INF2: variants seen among roughly 807,000 people sequenced by gnomAD.
INF2 encodes inverted formin 2, also known as inverted formin-2.
Under a neutral mutation model 123.5 loss-of-function variants are expected in INF2, and 43 were observed. That is an observed-to-expected ratio of 0.35 (90% CI 0.27 to 0.45). The LOEUF is 0.45. Ranked by LOEUF, INF2 falls within the 20% of genes least tolerant of loss-of-function variation. The probability of loss-of-function intolerance (pLI) is 1.00; values close to 1 mark genes in which losing one functional copy is unlikely to be tolerated. For missense variants in INF2, 1,453 were observed against 1,682.7 expected (o/e 0.86, Z 2.39); for synonymous variants, 851 against 745.0 (o/e 1.14, Z -2.32).
intron 5 of INF2, chr14:104,704,818 G>A (rs778080457): frequency 6.6e-6 from 1 of 152,216 alleles, no homozygotes; most frequent in African/African-American, 2.4e-5. Flanking sequence ...AACTAGGGTT[G>A]CCAGGTACTG....
At chr14:104,703,616 A>G (rs1267006846) in intron 4 of INF2, among the ~76,000 whole-genome samples, 162 bp downstream of exon 4, 1 of 152,128 alleles carries the variant, frequency 6.6e-6, no homozygotes, top group Non-Finnish European at 1.5e-5. Context: ...CTGCCCCTTC[A>G]ATGGACACAG....
rs369895163 is a variant in INF2 at position 104,707,831 on chromosome 14, C to T, written c.1564C>T (p.Leu522=). 11 of 1,585,216 alleles carry T rather than the reference C, an allele frequency of 6.9e-6. No homozygotes were observed. Among genetic ancestry groups the T allele is most frequent in the Non-Finnish European group, 8.6e-6 (10 of 1,165,762 alleles). ...WGPPPPPPPL[L]PCTCSPPVAG... is the part of the protein sequence containing the mutation. ...CCCTCCTCCACCCCCACCTCCACTA[C>T]TGCCCTGCACCTGCAGCCCCCCCGT... The change falls in exon 8 of 23, where the codon CTG becomes TTG. Residue 522 remains leucine (L), a synonymous_variant. Transcript: ENST00000392634.
At position 104,713,243 on chromosome 14, in the gene INF2, G is replaced by A. The variant is rs1595178511; in HGVS notation, c.2812G>A (p.Glu938Lys). 6.4e-7 allele frequency: 1 copy of A among 1,552,892 alleles called. No homozygotes were observed. Among genetic ancestry groups the A allele is most frequent in the Non-Finnish European group, 8.7e-7 (1 of 1,148,898 alleles). The change falls in exon 19 of 23, where the codon GAG (glutamate) becomes AAG (lysine). Residue 938 changes from glutamate to lysine, a missense_variant. Physicochemically the swap from Glu to Lys is moderately conservative, Grantham distance 56. Around this residue, in one of 8 missense-constraint regions of INF2, gnomAD observed 212 missense variants for 266.2 expected, o/e 0.80. Coordinates refer to ENST00000392634, the MANE Select transcript of INF2 (RefSeq NM_022489.4). ...KDRKEQAAKAERRKQQLAEEE... is the reference protein window; with the variant it reads ...KDRKEQAAKAKRRKQQLAEEE... ...CCGGAAGGAGCAGGCGGCGAAGGCA[G>A]AGAGGAGGAAGCAGCAGCTGGCGGA...
At position 104,714,530 on chromosome 14, in the gene INF2, C is replaced by T. The variant is rs1401317670; in HGVS notation, c.3368C>T (p.Ala1123Val). The change falls in exon 21 of 23, where the codon GCA becomes GTA. Residue 1123 changes from alanine (A) to valine (V), a missense_variant. Ala to Val is a moderately conservative substitution (Grantham distance 64, BLOSUM62 0). Coordinates refer to ENST00000392634, the MANE Select transcript of INF2 (RefSeq NM_022489.4). ...PLKFSSNQPP[A>V]AGSSRQDAKD... ...AAGTTCTCCAGCAACCAGCCCCCTG[C>T]AGCCGGAAGTTCAAGGCAAGATGCC... 1 of 1,612,684 alleles carries T rather than the reference C, an allele frequency of 6.2e-7. No individual in the cohort carries two copies. The highest frequency in any genetic ancestry group is 1.7e-5 in the Admixed American group (1 of 59,994).
upstream of INF2, among the ~76,000 whole-genome samples, chr14:104,688,236 A>C (rs986632086): frequency 6.6e-6 from 1 of 152,232 alleles, no homozygotes; most frequent in Admixed American, 6.5e-5. Flanking sequence ...TGTGGCCTGC[A>C]GCTGCTCCTG....
chr14:104,720,346 T>C lies in INF2; in HGVS notation c.*1553T>C. Reference sequence around the variant, plus strand: ...TGTGGACATTTGCGTAGTCCTCGTGTGGATGCTGCTGTGGACGTCTGCGTC... The same window carrying C: ...TGTGGACATTTGCGTAGTCCTCGTGCGGATGCTGCTGTGGACGTCTGCGTC... On this transcript the variant is annotated 3_prime_UTR_variant, in exon 23 of 23. Transcript: ENST00000392634. 1 of 172,580 alleles carries C rather than the reference T, an allele frequency of 5.8e-6. No homozygotes were observed. Among genetic ancestry groups the C allele is most frequent in the Non-Finnish European group, 1.2e-5 (1 of 81,022 alleles). 10.7% of individuals were successfully genotyped at this position (172,580 alleles called of 1,614,324 possible).
At chr14:104,695,614 C>CCTCCTCCCA (rs1172246477) in intron 1 of INF2, among the ~76,000 whole-genome samples, 2 of 152,108 alleles carry the variant, frequency 1.3e-5, no homozygotes, top group African/African-American at 4.8e-5. Flanking sequence ...CCCAGTGAGC[C>CCTCCTCCCA]GGGGCATTTC....
intron 1 of INF2, 29 bp downstream of exon 1, chr14:104,689,768 G>A (rs1888847011): frequency 1.0e-6 from 1 of 982,898 alleles, no homozygotes; most frequent in South Asian, 4.7e-5. Context: ...GGTCCGCTTG[G>A]AGCTTCAGGG....
At chr14:104,711,778 C>T (rs988021723) in intron 16 of INF2, 79 bp downstream of exon 16, 36 of 1,372,700 alleles carry the variant, frequency 2.6e-5, no homozygotes, top group African/African-American at 2.9e-5. Flanking sequence ...GGTGGCTGCC[C>T]GCCAGGGCTG....
chr14:104,681,711 C>T lies in INF2; in HGVS notation c.-104+129C>T, dbSNP rs781135290. ...GCCCCTGAGGTCCCGGAGGGCAGCA[C>T]GCTGGTGCAGAGCCGGGACAGCCTG... On this transcript the variant is annotated intron_variant, in intron 1 of 2. Coordinates refer to the INF2 transcript ENST00000674723. The T allele has an allele frequency of 4.4e-5, 32 of 727,052 alleles. No homozygotes were observed. The Admixed American group carries it at 4.7e-4, about 11-fold the overall frequency. 45.0% of individuals were successfully genotyped at this position (727,052 alleles called of 1,614,324 possible).
rs911291852 is a variant in INF2, at chr14:104,684,464, G to C, written c.-104+2882G>C. 5 of 198,390 alleles carry C rather than the reference G, an allele frequency of 2.5e-5. No homozygotes were observed. The highest frequency in any genetic ancestry group is 5.2e-5 in the Non-Finnish European group (5 of 96,428). 12.3% of individuals were successfully genotyped at this position (198,390 alleles called of 1,614,324 possible). On this transcript the variant is annotated intron_variant, in intron 1 of 2. Coordinates refer to the INF2 transcript ENST00000674723. The surrounding 1 kb of genome is among the most constrained non-coding windows in gnomAD (Gnocchi z 5.0). ...CACACCACCGCGTGGATGAGTCTCA[G>C]AGACTGTGGAGCGAAAGAAGCCAGA...
chr14:104,718,703 G>A (rs1267733814), intron 22 of INF2, 92 bp from the exon 23 acceptor site: 22 of 1,565,884 alleles, frequency 1.4e-5, no homozygotes, highest in Admixed American at 1.9e-5. Context: ...TGGCGATGAG[G>A]GGTTCAGGGA....
In INF2 at chr14:104,707,848, C is replaced by A. The variant is rs928182488; in HGVS notation, c.1581C>A (p.Ser527Arg). The A allele has an allele frequency of 6.2e-7, 1 of 1,602,450 alleles. No homozygotes were observed. Among genetic ancestry groups the A allele is most frequent in the Non-Finnish European group, 8.5e-7 (1 of 1,176,934 alleles). Residue 527 changes from serine to arginine, a missense_variant, in exon 8 of 23, where the codon AGC (serine) becomes AGA (arginine). Ser to Arg is a moderately radical substitution (Grantham distance 110). This residue lies in a region of INF2 where 374 missense variants were observed against 303.7 expected (regional missense o/e 1.23). Coordinates refer to ENST00000392634, the MANE Select transcript of INF2 (RefSeq NM_022489.4). ...PPPPLLPCTCSPPVAGGMEEV... is the reference protein window; with the variant it reads ...PPPPLLPCTCRPPVAGGMEEV... ...CTCCACTACTGCCCTGCACCTGCAG[C>A]CCCCCCGTGGCGGGAGGCATGGAGG...
At chr14:104,709,115 C>T (rs1453392449) in intron 10 of INF2, among the ~76,000 whole-genome samples, 166 bp from the exon 11 acceptor site, 1 of 152,124 alleles carries the variant, frequency 6.6e-6, no homozygotes, top group African/African-American at 2.4e-5. Context: ...CAGCCTGGGT[C>T]CCCTTCACCG....
intron 22 of INF2, chr14:104,715,971 C>G (rs1231173608): frequency 2.2e-6 from 1 of 455,978 alleles, no homozygotes; most frequent in African/African-American, 2.0e-5. Context: ...TTACCCCCCG[C>G]ACACCGAGTC....
chr14:104,708,280 G>T, intron 8 of INF2, 156 bp from the exon 9 acceptor site: 2 of 981,592 alleles, frequency 2.0e-6, no homozygotes, highest in Non-Finnish European at 3.0e-6. Context: ...AGGTGCTCAG[G>T]TAGGGAGGTA....
In INF2 at chr14:104,714,440, G is replaced by T. The variant is rs756245988; in HGVS notation, c.3278G>T (p.Cys1093Phe). ...GTCCTAACCACTGAGGATCCCCAGT[G>T]CCCCCAGCCCTTGGAGGGGGCCTGG... ...SDVLTTEDPQ[C>F]PQPLEGAWPV... Residue 1093 changes from cysteine (C) to phenylalanine (F), a missense_variant, in exon 21 of 23, where the codon TGC becomes TTC. Coordinates refer to ENST00000392634, the MANE Select transcript of INF2 (RefSeq NM_022489.4). 3.1e-6 allele frequency: 5 copies of T among 1,610,736 alleles called. No individual in the cohort carries two copies. Among genetic ancestry groups the T allele is most frequent in the Non-Finnish European group, 4.2e-6 (5 of 1,178,868 alleles).
chr14:104,712,347 C>T (rs1167954116), intron 16 of INF2, 86 bp from the exon 17 acceptor site: 15 of 1,570,664 alleles, frequency 9.6e-6, no homozygotes, highest in Admixed American at 1.8e-5. Flanking sequence ...AGTGGGGTGC[C>T]GGGGGGTGCA....
At chr14:104,711,848 C>T (rs995740900) in intron 16 of INF2, 149 bp downstream of exon 16, 1 of 715,810 alleles carries the variant, frequency 1.4e-6, no homozygotes, top group Non-Finnish European at 2.4e-6. Flanking sequence ...GAACACTTCC[C>T]TTTTGGGACA....
Sources: allele counts gnomAD v4.1 joint callset (sites outside exome capture counted in the v4.1 genomes callset), GRCh38; gene constraint gnomAD v4.1.1; regional missense constraint gnomAD v4.1.1; non-coding constraint Gnocchi (gnomAD v3.1); transcripts MANE v1.5; gene names NCBI Gene and HGNC (gene_info 2026-07-23, HGNC 2026-07-21).